Variants in ENOX1 observed in about 807,000 individuals in gnomAD.
ENOX1 encodes the protein candidate growth-related and time keeping constitutive hydroquinone (NADH) oxidase.
A neutral mutation model predicts 82.5 loss-of-function variants in ENOX1; 42 were observed. That is an observed-to-expected ratio of 0.51 (90% CI 0.40 to 0.66). The LOEUF (loss-of-function observed/expected upper bound fraction) is 0.66. Ranked by LOEUF, ENOX1 falls within the 30% of genes least tolerant of loss-of-function variation. The pLI, the probability that ENOX1 is intolerant of heterozygous loss-of-function variation, is 0.00. For missense variants in ENOX1, 608 were observed against 811.6 expected, an observed-to-expected ratio of 0.75 and a Z score of 3.05; for synonymous variants, 271 against 282.2, an observed-to-expected ratio of 0.96 and a Z score of 0.40.
intron 3 of ENOX1, among the ~76,000 whole-genome samples, chr13:43,466,842 T>G (rs1249619000): frequency 6.6e-6 from 1 of 152,142 alleles, no homozygotes; most frequent in Non-Finnish European, 1.5e-5. Context: ...CAACTTTCTG[T>G]CCCTGTGAAG....
intron 16 of ENOX1, among the ~76,000 whole-genome samples, chr13:43,218,983 T>TA (rs2041640225): frequency 6.6e-6 from 1 of 152,202 alleles, no homozygotes. Flanking sequence ...GTACATTCTT[T>TA]GTCTAGAGAA....
intron 2 of ENOX1, among the ~76,000 whole-genome samples, chr13:43,484,844 T>C (rs1039254423): frequency 6.6e-6 from 1 of 152,352 alleles, no homozygotes; most frequent in Middle Eastern, 3.4e-3. Context: ...TGCCCAGCTT[T>C]AAGCAGTATA....
At chr13:43,513,091 A>G (rs1005433358) in intron 2 of ENOX1, among the ~76,000 whole-genome samples, 8 of 152,056 alleles carry the variant, frequency 5.3e-5, no homozygotes, top group African/African-American at 1.9e-4. Flanking sequence ...AGCAGATCAC[A>G]TAAGGCCAGG....
chr13:43,598,205 GAA>G (rs35703508), intron 2 of ENOX1, among the ~76,000 whole-genome samples: 15 of 147,260 alleles, frequency 1.0e-4, no homozygotes, highest in Middle Eastern at 3.5e-3. Context: ...GGCCTTTAAA[GAA>G]AAAAAAAAAA....
At chr13:43,727,245 T>C (rs943489421) in intron 1 of ENOX1, among the ~76,000 whole-genome samples, 1 of 152,146 alleles carries the variant, frequency 6.6e-6, no homozygotes, top group Non-Finnish European at 1.5e-5. Flanking sequence ...GCTAATTCCT[T>C]AACACATGTT....
intron 1 of ENOX1, among the ~76,000 whole-genome samples, chr13:43,780,646 T>C (rs1952204503): frequency 6.6e-6 from 1 of 152,144 alleles, no homozygotes; most frequent in African/African-American, 2.4e-5. Context: ...CTCACAAAGA[T>C]TCAACAGGAT....
At chr13:43,225,128 G>A (rs1173512496) in intron 15 of ENOX1, among the ~76,000 whole-genome samples, 3 of 152,200 alleles carry the variant, frequency 2.0e-5, no homozygotes, top group Non-Finnish European at 2.9e-5. Flanking sequence ...CAACATTGAT[G>A]CACCTGGAGG....
At chr13:43,439,024 C>T (rs936401850) in intron 3 of ENOX1, among the ~76,000 whole-genome samples, 2 of 148,968 alleles carry the variant, frequency 1.3e-5, no homozygotes, top group African/African-American at 4.9e-5. Flanking sequence ...ACTAAATGAA[C>T]TTTCCTGTCT....
At chr13:43,250,020 T>C (rs1340842958) in intron 14 of ENOX1, among the ~76,000 whole-genome samples, 1 of 152,238 alleles carries the variant, frequency 6.6e-6, no homozygotes, top group Non-Finnish European at 1.5e-5. Flanking sequence ...ACAGCTTTTA[T>C]TGAGTGCTTG....
At chr13:43,688,260 A>G (rs2086177045) in intron 1 of ENOX1, among the ~76,000 whole-genome samples, 1 of 152,172 alleles carries the variant, frequency 6.6e-6, no homozygotes, top group Admixed American at 6.5e-5. Context: ...CTGTGGTGCC[A>G]TATGGAGAAT....
intron 5 of ENOX1, among the ~76,000 whole-genome samples, chr13:43,409,712 T>C (rs1249728255): frequency 6.6e-6 from 1 of 152,166 alleles, no homozygotes; most frequent in Non-Finnish European, 1.5e-5. Context: ...AAATTTTTAA[T>C]ATAAAAGAAT....
chr13:43,722,797 A>T (rs1243505687), intron 1 of ENOX1, among the ~76,000 whole-genome samples: 3 of 152,228 alleles, frequency 2.0e-5, no homozygotes, highest in Admixed American at 2.0e-4. Flanking sequence ...ATTCAAAGTC[A>T]ATATTGAACA....
At chr13:43,402,108 G>A (rs1457083889) in intron 5 of ENOX1, among the ~76,000 whole-genome samples, 1 of 152,084 alleles carries the variant, frequency 6.6e-6, no homozygotes, top group Non-Finnish European at 1.5e-5. Flanking sequence ...AATAGAATCA[G>A]TAGATAAGCA....
intron 3 of ENOX1, among the ~76,000 whole-genome samples, chr13:43,453,175 G>A (rs2057056412): frequency 6.6e-6 from 1 of 152,172 alleles, no homozygotes; most frequent in African/African-American, 2.4e-5. Flanking sequence ...GTCATGTCTA[G>A]GTGATTCTTC....
intron 2 of ENOX1, among the ~76,000 whole-genome samples, chr13:43,620,903 C>G (rs1434452788): frequency 6.6e-6 from 1 of 152,030 alleles, no homozygotes; most frequent in African/African-American, 2.4e-5. Context: ...GTCTATTAGT[C>G]ATAGTTTTAT....
intron 1 of ENOX1, among the ~76,000 whole-genome samples, chr13:43,669,566 C>T (rs1454738082): frequency 7.1e-6 from 1 of 140,204 alleles, no homozygotes; most frequent in East Asian, 2.1e-4. Context: ...GGAAGGACAA[C>T]CAAACATCTT....
At chr13:43,393,796 T>G (rs1482771143) in intron 5 of ENOX1, among the ~76,000 whole-genome samples, 1 of 152,220 alleles carries the variant, frequency 6.6e-6, no homozygotes, top group African/African-American at 2.4e-5. Context: ...GGTTTGGATG[T>G]GTGTCCCCTC....
chr13:43,465,211 A>G (rs1409496287), intron 3 of ENOX1, among the ~76,000 whole-genome samples: 1 of 152,196 alleles, frequency 6.6e-6, no homozygotes, highest in Non-Finnish European at 1.5e-5. Flanking sequence ...CTGAAGGTGG[A>G]TATATCTACC....
chr13:43,648,973 C>T (rs1487540560), intron 2 of ENOX1, among the ~76,000 whole-genome samples: 1 of 152,158 alleles, frequency 6.6e-6, no homozygotes, highest in Non-Finnish European at 1.5e-5. Flanking sequence ...CAGGGTTAGA[C>T]CCAGACACAG....
Sources: gnomAD v4.1 joint callset for allele counts (sites outside exome capture counted in the v4.1 genomes callset) on GRCh38, gnomAD v4.1.1 for gene constraint, MANE v1.5 for transcripts, NCBI Gene and HGNC (gene_info 2026-07-23, HGNC 2026-07-21) for gene names.